The following ANXA8 variants were observed in gnomAD, a reference collection of about 807,000 sequenced individuals.
The protein encoded by ANXA8 is VAC-beta.
In ANXA8, 9 loss-of-function variants were observed where a neutral mutation model predicts 26.8. The ratio of observed to expected loss-of-function variants is 0.34; its 90% CI spans 0.20 to 0.59. ANXA8 has a LOEUF of 0.59. Among genes scored for constraint, ANXA8 ranks in the 20% least tolerant of loss-of-function variants. The pLI is 0.84. For missense variants in ANXA8, 83 were observed against 238.5 expected (o/e 0.35, Z 4.29); for synonymous variants, 39 against 94.8 (o/e 0.41, Z 3.42).
chr10:47,595,845 T>C, the ANXA8 span, among the ~76,000 whole-genome samples: 1 of 148,300 alleles, frequency 6.7e-6, no homozygotes, highest in Admixed American at 6.6e-5. Context: ...CAGTGGTAGA[T>C]AGATTATTGA....
chr10:47,957,095 T>C, the ANXA8 span, among the ~76,000 whole-genome samples: 2 of 150,264 alleles, frequency 1.3e-5, no homozygotes, highest in Non-Finnish European at 2.9e-5. Flanking sequence ...CAGGCTTTGA[T>C]TGGGTATAAT....
At chr10:47,657,605 T>C in the ANXA8 span, among the ~76,000 whole-genome samples, 1 of 151,388 alleles carries the variant, frequency 6.6e-6, no homozygotes, top group Admixed American at 6.6e-5. Flanking sequence ...ATACAGTATC[T>C]GGCACATGGA....
the ANXA8 span, among the ~76,000 whole-genome samples, chr10:47,554,110 A>AAAATAAAAAAATAAAT: frequency 7.7e-6 from 1 of 129,864 alleles, no homozygotes; most frequent in African/African-American, 3.0e-5. Flanking sequence ...CATCTCTCAA[A>AAAATAAAAAAATAAAT]AAATAAATAA....
chr10:47,695,196 G>A, the ANXA8 span, among the ~76,000 whole-genome samples: 1 of 151,454 alleles, frequency 6.6e-6, no homozygotes, highest in Non-Finnish European at 1.5e-5. Flanking sequence ...TTTTTAGTAA[G>A]TCACCTGAAC....
chr10:47,676,094 C>A, the ANXA8 span, among the ~76,000 whole-genome samples: 8 of 151,272 alleles, frequency 5.3e-5, no homozygotes, highest in Non-Finnish European at 1.2e-4. Context: ...ATGGACATAG[C>A]AGAAGAAAGA....
chr10:47,881,865 G>A, the ANXA8 span, among the ~76,000 whole-genome samples: 1 of 151,812 alleles, frequency 6.6e-6, no homozygotes, highest in African/African-American at 2.4e-5. Context: ...GTGTCTATGT[G>A]TGTGTTTGTA....
chr10:47,548,272 C>G, the ANXA8 span, among the ~76,000 whole-genome samples: 1 of 147,620 alleles, frequency 6.8e-6, no homozygotes, highest in African/African-American at 2.5e-5. Context: ...CACCCTACAC[C>G]TCCTAATCAA....
chr10:47,671,195 G>A, the ANXA8 span, among the ~76,000 whole-genome samples: 1 of 151,902 alleles, frequency 6.6e-6, no homozygotes, highest in Admixed American at 6.6e-5. Flanking sequence ...GGCTCAGGCG[G>A]ATGGATCACT....
chr10:47,755,319 G>A, the ANXA8 span, among the ~76,000 whole-genome samples: 22 of 151,750 alleles, frequency 1.4e-4, no homozygotes, highest in Middle Eastern at 3.4e-3. Flanking sequence ...GCAGTGGTGC[G>A]ATCTCGGCTC....
the ANXA8 span, among the ~76,000 whole-genome samples, chr10:47,947,497 C>T: frequency 2.0e-5 from 3 of 149,056 alleles, no homozygotes; most frequent in Admixed American, 6.7e-5. Context: ...TATGTCCCTA[C>T]CCAAATCTCC....
chr10:47,768,093 G>A, the ANXA8 span, among the ~76,000 whole-genome samples: 1 of 150,714 alleles, frequency 6.6e-6, no homozygotes, highest in South Asian at 2.1e-4. Context: ...CAGGAACTGA[G>A]GCAAGGCTTG....
chr10:47,627,501 G>A, the ANXA8 span, among the ~76,000 whole-genome samples: 2 of 150,014 alleles, frequency 1.3e-5, no homozygotes, highest in South Asian at 2.1e-4. Flanking sequence ...AAGAAAAACA[G>A]CATTAAATCA....
At chr10:47,732,911 A>G in the ANXA8 span, among the ~76,000 whole-genome samples, 1 of 148,230 alleles carries the variant, frequency 6.7e-6, no homozygotes, top group Non-Finnish European at 1.5e-5. Context: ...ATTTAAACAA[A>G]ATTATATCAG....
chr10:47,683,222 A>G, the ANXA8 span, among the ~76,000 whole-genome samples: 4 of 142,260 alleles, frequency 2.8e-5, no homozygotes, highest in Non-Finnish European at 4.5e-5. Flanking sequence ...AGCATTTACT[A>G]ATTTTTTTTT....
the ANXA8 span, among the ~76,000 whole-genome samples, chr10:47,954,166 TAAAG>T: frequency 1.3e-5 from 2 of 150,354 alleles, no homozygotes; most frequent in African/African-American, 2.5e-5. Flanking sequence ...GACAAATGGA[TAAAG>T]AAACTGTGGT....
At chr10:47,683,223 ATTTTTTT>A in the ANXA8 span, among the ~76,000 whole-genome samples, 27 of 110,596 alleles carry the variant, frequency 2.4e-4, 1 homozygote, top group African/African-American at 7.1e-4. Context: ...GCATTTACTA[ATTTTTTT>A]TTTTTTTTTT....
chr10:47,669,737 C>A, the ANXA8 span, among the ~76,000 whole-genome samples: 1 of 151,768 alleles, frequency 6.6e-6, no homozygotes, highest in Admixed American at 6.6e-5. Context: ...AAAAAAACCC[C>A]AAAAACCTTA....
chr10:47,631,985 T>C, the ANXA8 span, among the ~76,000 whole-genome samples: 16 of 152,138 alleles, frequency 1.1e-4, no homozygotes, highest in Non-Finnish European at 1.8e-4. Flanking sequence ...GAAAGTCTAA[T>C]AATAATGCTT....
At chr10:47,650,467 A>G in the ANXA8 span, among the ~76,000 whole-genome samples, 20 of 151,852 alleles carry the variant, frequency 1.3e-4, no homozygotes, top group African/African-American at 2.9e-4. Context: ...TAGAATATGT[A>G]AAGAACTATC....
Sources: gnomAD v4.1 joint callset for allele counts (sites outside exome capture counted in the v4.1 genomes callset) on GRCh38, gnomAD v4.1.1 for gene constraint, MANE v1.5 for transcripts, NCBI Gene and HGNC (gene_info 2026-07-23, HGNC 2026-07-21) for gene names.